GRAMD1B: variants seen among roughly 807,000 people sequenced by gnomAD.
GRAMD1B encodes protein Aster-B.
A neutral mutation model predicts 99.7 loss-of-function variants in GRAMD1B; 37 were observed. The ratio of observed to expected loss-of-function variants is 0.37; its 90% CI spans 0.29 to 0.49. The LOEUF (loss-of-function observed/expected upper bound fraction) is 0.49. GRAMD1B is among the 20% of genes least tolerant of loss of function. The pLI, the probability that GRAMD1B is intolerant of heterozygous loss-of-function variation, is 0.98. For synonymous variants in GRAMD1B, 427 were observed against 387.6 expected (o/e 1.10, Z -1.19); for missense variants, 888 against 1,009.2 (o/e 0.88, Z 1.63).
intron 2 of GRAMD1B, among the ~76,000 whole-genome samples, chr11:123,521,976 A>G (rs1428576251): frequency 1.3e-5 from 2 of 150,918 alleles, no homozygotes; most frequent in Non-Finnish European, 3.0e-5. Context: ...TTTTTTTCCT[A>G]TTTTATCTGT....
At chr11:123,391,424 C>A (rs1947274651) in intron 1 of GRAMD1B, among the ~76,000 whole-genome samples, 1 of 152,070 alleles carries the variant, frequency 6.6e-6, no homozygotes. Flanking sequence ...TCACTAAAGT[C>A]CTTCTTGGCA....
intron 1 of GRAMD1B, among the ~76,000 whole-genome samples, chr11:123,468,971 T>C (rs1461604195): frequency 3.9e-5 from 6 of 152,070 alleles, no homozygotes; most frequent in South Asian, 4.2e-4. Flanking sequence ...CCCAAGAACA[T>C]AGATGCTATT....
At chr11:123,447,148 AGAG>A (rs1949681498) in intron 1 of GRAMD1B, among the ~76,000 whole-genome samples, 1 of 152,146 alleles carries the variant, frequency 6.6e-6, no homozygotes, top group South Asian at 2.1e-4. Flanking sequence ...GCTGGGTGGG[AGAG>A]GAGAAGAGGG....
At chr11:123,406,193 A>C (rs1591449843) in intron 1 of GRAMD1B, among the ~76,000 whole-genome samples, 1 of 151,326 alleles carries the variant, frequency 6.6e-6, no homozygotes, top group Admixed American at 6.6e-5. Context: ...CGAACTCCTG[A>C]CTTCAAGTGA....
intron 1 of GRAMD1B, among the ~76,000 whole-genome samples, chr11:123,359,527 G>A (rs1221192173): frequency 6.6e-6 from 1 of 152,012 alleles, no homozygotes; most frequent in Non-Finnish European, 1.5e-5. Context: ...CCTCATGCCT[G>A]GATAAACTTC....
At chr11:123,403,228 C>G (rs1042219776) in intron 1 of GRAMD1B, among the ~76,000 whole-genome samples, 2 of 151,942 alleles carry the variant, frequency 1.3e-5, no homozygotes, top group Non-Finnish European at 2.9e-5. Context: ...AGTTTAAGAC[C>G]AGCCTGACCA....
intron 4 of GRAMD1B, among the ~76,000 whole-genome samples, chr11:123,592,998 G>A (rs560212381): frequency 1.3e-4 from 20 of 152,210 alleles, no homozygotes; most frequent in African/African-American, 3.4e-4. Context: ...CTGGGAGGCC[G>A]AGGTGGGTGG....
In GRAMD1B at chr11:123,522,943, A is replaced by C. The variant is rs149834863; in HGVS notation, c.452+42050A>C. 2.7e-3 allele frequency among the ~76,000 whole-genome samples: 409 copies of C among 152,354 alleles called. 2 individuals carry two copies. Among genetic ancestry groups the C allele is most frequent in the African/African-American group, 9.4e-3 (390 of 41,576 alleles). ...AGAAGGAGATTTTTTATAAACATAC[A>C]TAGTGAATAAGAGAATAGGTTTTTG... On this transcript the variant is annotated intron_variant, in intron 2 of 19. Transcript: ENST00000635736.
intron 1 of GRAMD1B, among the ~76,000 whole-genome samples, chr11:123,361,355 A>C (rs1946142316): frequency 6.6e-6 from 1 of 152,142 alleles, no homozygotes; most frequent in Non-Finnish European, 1.5e-5. Context: ...CACAGGTGGC[A>C]TGTAGTTTTC....
chr11:123,542,157 G>T (rs1367472612), intron 2 of GRAMD1B, among the ~76,000 whole-genome samples: 2 of 152,150 alleles, frequency 1.3e-5, no homozygotes, highest in East Asian at 3.9e-4. Context: ...TTGTAAATGA[G>T]ATATAGAGCA....
chr11:123,510,329 C>T lies in GRAMD1B; in HGVS notation c.452+29436C>T, dbSNP rs750780934. 6.6e-6 allele frequency among the ~76,000 whole-genome samples: 1 copy of T among 152,074 alleles called. No homozygotes were observed. The highest frequency in any genetic ancestry group is 2.4e-5 in the African/African-American group (1 of 41,430). On this transcript the variant is annotated intron_variant, in intron 2 of 19. Coordinates refer to ENST00000635736, the MANE Select transcript of GRAMD1B (RefSeq NM_001387025.1). This position sits in a 1 kb window ranked among gnomAD's most constrained non-coding sequence, Gnocchi z 4.3. Reference sequence around the variant, plus strand: ...GCGGGGTGATGGGAGGGCAGGCCTCCGTCTTTGTGCCCTCTCCCTCTCAAC... The same window carrying T: ...GCGGGGTGATGGGAGGGCAGGCCTCTGTCTTTGTGCCCTCTCCCTCTCAAC...
intron 1 of GRAMD1B, among the ~76,000 whole-genome samples, chr11:123,480,191 A>G (rs1951513897): frequency 6.6e-6 from 1 of 152,210 alleles, no homozygotes; most frequent in South Asian, 2.1e-4. Context: ...TCTCACTTAC[A>G]GTGCCTTAAG....
intron 1 of GRAMD1B, among the ~76,000 whole-genome samples, chr11:123,431,705 G>A (rs1948900379): frequency 6.6e-6 from 1 of 152,228 alleles, no homozygotes; most frequent in Non-Finnish European, 1.5e-5. Context: ...GTGTGGAAGT[G>A]AAATATTGAC....
intron 2 of GRAMD1B, among the ~76,000 whole-genome samples, chr11:123,550,293 A>G (rs1945483468): frequency 6.6e-6 from 1 of 152,072 alleles, no homozygotes; most frequent in Non-Finnish European, 1.5e-5. Flanking sequence ...GATGGGGGCC[A>G]GGAGGTAACA....
At chr11:123,497,334 G>A (rs147327827) in intron 2 of GRAMD1B, among the ~76,000 whole-genome samples, 2,727 of 152,222 alleles carry the variant, frequency 0.018, 36 homozygotes, top group Admixed American at 0.026. Flanking sequence ...CACCCCTGTC[G>A]CCACCACCAT....
At chr11:123,500,546 C>T (rs1001908228) in intron 2 of GRAMD1B, among the ~76,000 whole-genome samples, 2 of 152,116 alleles carry the variant, frequency 1.3e-5, no homozygotes, top group Non-Finnish European at 1.5e-5. Context: ...GAAGCTTTCA[C>T]CAGTCTACAA....
At chr11:123,527,319 T>C (rs930629001) in intron 2 of GRAMD1B, among the ~76,000 whole-genome samples, 1 of 152,182 alleles carries the variant, frequency 6.6e-6, no homozygotes, top group African/African-American at 2.4e-5. Flanking sequence ...TACCCTAGAT[T>C]AAACCCTGAG....
At chr11:123,493,883 C>T (rs1033367743) in intron 2 of GRAMD1B, among the ~76,000 whole-genome samples, 1 of 152,188 alleles carries the variant, frequency 6.6e-6, no homozygotes, top group Non-Finnish European at 1.5e-5. Flanking sequence ...GAACTGCTCT[C>T]AGCTCAGATT....
intron 1 of GRAMD1B, among the ~76,000 whole-genome samples, chr11:123,434,102 C>T (rs909309058): frequency 2.0e-5 from 3 of 151,658 alleles, no homozygotes; most frequent in Non-Finnish European, 4.4e-5. Flanking sequence ...TGGTGGTGGA[C>T]ACCTGTAGTC....
Sources: gnomAD v4.1 joint callset for allele counts (sites outside exome capture counted in the v4.1 genomes callset) on GRCh38, gnomAD v4.1.1 for gene constraint, Gnocchi (gnomAD v3.1) non-coding constraint, MANE v1.5 for transcripts, NCBI Gene and HGNC (gene_info 2026-07-23, HGNC 2026-07-21) for gene names.